RIMS1: variants seen among roughly 807,000 people sequenced by gnomAD.
RIMS1 encodes the protein regulating synaptic membrane exocytosis protein 1.
Under a neutral mutation model 214.1 loss-of-function variants are expected in RIMS1, and 83 were observed. The ratio of observed to expected loss-of-function variants is 0.39; its 90% confidence interval spans 0.32 to 0.47. The LOEUF is 0.47. Among genes scored for constraint, RIMS1 ranks in the 20% least tolerant of loss-of-function variants. The pLI is 0.99. For missense variants in RIMS1, 2,050 were observed against 2,161.8 expected (o/e 0.95, Z 1.03); for synonymous variants, 793 against 786.8 (o/e 1.01, Z -0.13).
intron 2 of RIMS1, among the ~76,000 whole-genome samples, chr6:72,027,329 T>A (rs1168777804): frequency 6.6e-6 from 1 of 152,102 alleles, no homozygotes; most frequent in East Asian, 1.9e-4. Context: ...GGGCAAACAA[T>A]TTTTGCCTCT....
chr6:72,135,559 A>G (rs1012560361), intron 4 of RIMS1, among the ~76,000 whole-genome samples: 7 of 152,148 alleles, frequency 4.6e-5, no homozygotes, highest in Admixed American at 2.6e-4. Flanking sequence ...GTGTCTGAGA[A>G]TGAATGTTTA....
At chr6:72,194,645 TG>T (rs1365901202) in intron 6 of RIMS1, among the ~76,000 whole-genome samples, 1 of 152,196 alleles carries the variant, frequency 6.6e-6, no homozygotes, top group East Asian at 1.9e-4. Context: ...TGTGTTTTGC[TG>T]TCTCACAAAA....
intron 2 of RIMS1, among the ~76,000 whole-genome samples, chr6:72,042,493 G>GAAC (rs1016781563): frequency 6.6e-6 from 1 of 151,718 alleles, no homozygotes; most frequent in Non-Finnish European, 1.5e-5. Flanking sequence ...ATCAATGAGT[G>GAAC]TTCTTGAACC....
At chr6:72,031,201 C>A (rs1265687138) in intron 2 of RIMS1, among the ~76,000 whole-genome samples, 1 of 152,118 alleles carries the variant, frequency 6.6e-6, no homozygotes, top group Admixed American at 6.6e-5. Flanking sequence ...TATAAGATGA[C>A]AGCTTGAAGC....
In RIMS1 at chr6:72,183,267, AG is replaced by A. The variant is rs2048606564; in HGVS notation, c.1678+119del. On this transcript the variant is annotated intron_variant, in intron 6 of 33. Transcript: ENST00000521978. ...TTGAGGCTGGGAATGCTCACAGATA[AG>A]ATAGCGTTACCGCCAGTGGAAGGTC... 6.4e-6 allele frequency: 6 copies of A among 939,578 alleles called. No individual in the cohort carries two copies. The South Asian group carries it at 9.6e-5, about 15-fold the overall frequency. The allele number at this position is 939,578 out of a possible 1,614,324, so 58.2% of individuals were successfully genotyped here. A position where few individuals can be genotyped will look rare whatever the true frequency, so the allele number is the denominator to read the frequency against.
intron 2 of RIMS1, among the ~76,000 whole-genome samples, chr6:71,991,555 A>G (rs1165094719): frequency 6.6e-6 from 1 of 152,226 alleles, no homozygotes; most frequent in Non-Finnish European, 1.5e-5. Context: ...ATTATGAAAG[A>G]TATCAGACCG....
chr6:72,095,464 T>C (rs1191081601), intron 2 of RIMS1, among the ~76,000 whole-genome samples: 5 of 152,202 alleles, frequency 3.3e-5, no homozygotes. Flanking sequence ...TTAAATGAAA[T>C]ATCACATATA....
At chr6:72,150,527 T>G (rs896964321) in intron 4 of RIMS1, among the ~76,000 whole-genome samples, 1 of 152,184 alleles carries the variant, frequency 6.6e-6, no homozygotes, top group African/African-American at 2.4e-5. Flanking sequence ...CTCGTATTTG[T>G]GAGGAAAAAT....
At chr6:71,965,068 A>G (rs1303647383) in intron 1 of RIMS1, among the ~76,000 whole-genome samples, 1 of 152,196 alleles carries the variant, frequency 6.6e-6, no homozygotes, top group Non-Finnish European at 1.5e-5. Context: ...CCCTACAATA[A>G]CACTTGGGAA....
rs2031899277 is a variant in RIMS1, at chr6:72,096,816, A to C, written c.246-133A>C. 6 of 730,226 alleles carry C rather than the reference A, an allele frequency of 8.2e-6. No homozygotes were observed. In the South Asian group the frequency reaches 8.7e-5, roughly 11 times the overall value. 45.2% of individuals were successfully genotyped at this position (730,226 alleles called of 1,614,324 possible). A position where few individuals can be genotyped will look rare whatever the true frequency, so the allele number is the denominator to read the frequency against. On this transcript the variant is annotated intron_variant, in intron 2 of 33. Coordinates refer to ENST00000521978, the MANE Select transcript of RIMS1 (RefSeq NM_014989.7). ...TTTGAAGGTAAGGTTAGTGGGGAAA[A>C]TAGTTTTGTATGTTTTGCTTTAGTT...
At chr6:72,362,888 T>TTAATAAA (rs2097870984) in intron 29 of RIMS1, among the ~76,000 whole-genome samples, 2 of 152,178 alleles carry the variant, frequency 1.3e-5, no homozygotes, top group Non-Finnish European at 2.9e-5. Context: ...ATTTGTTCAT[T>TTAATAAA]CAAAATATAT....
chr6:72,329,421 AAAATT>A (rs2096585780), intron 28 of RIMS1, among the ~76,000 whole-genome samples: 1 of 151,832 alleles, frequency 6.6e-6, no homozygotes, highest in East Asian at 1.9e-4. Context: ...ATGGAATACT[AAAATT>A]AGATTACTAA....
rs117457633 is a variant in RIMS1, at chr6:72,352,335, A to G, written c.4366+18500A>G. 2.3e-3 allele frequency among the ~76,000 whole-genome samples: 346 copies of G among 152,316 alleles called. 9 individuals carry two copies. In the East Asian group the frequency reaches 0.045, roughly 20 times the overall value. On this transcript the variant is annotated intron_variant, in intron 29 of 33. Coordinates refer to ENST00000521978, the MANE Select transcript of RIMS1 (RefSeq NM_014989.7). ...TGGCACAATTCTAGCACTCTAAAAC[A>G]GGTACCATTATTATCATCATTTTAT... is the stretch of plus-strand genomic sequence containing the variant.
At position 72,271,190 on chromosome 6, in the gene RIMS1, C is replaced by T. The variant is rs542003084; in HGVS notation, c.3399-3159C>T. ...CTGAGGCAGGAGAATCGCTTGAACCCGGGGAGCAGAGGTTGCAGTGAGCCA... is the reference window on the plus strand; with the variant it reads ...CTGAGGCAGGAGAATCGCTTGAACCTGGGGAGCAGAGGTTGCAGTGAGCCA... On this transcript the variant is annotated intron_variant, in intron 22 of 33. Transcript: ENST00000521978. Among the ~76,000 whole-genome samples the T allele has an allele frequency of 1.1e-3, 160 of 149,712 alleles. 2 individuals are homozygous for T. Among genetic ancestry groups the T allele is most frequent in the African/African-American group, 3.8e-3 (155 of 40,700 alleles).
chr6:72,005,718 A>G (rs554704817), intron 2 of RIMS1, among the ~76,000 whole-genome samples: 2 of 152,334 alleles, frequency 1.3e-5, no homozygotes, highest in South Asian at 4.1e-4. Flanking sequence ...TATTCAACTA[A>G]AAAACATGCT....
chr6:71,928,122 A>C (rs1193504782), intron 1 of RIMS1, among the ~76,000 whole-genome samples: 1 of 152,176 alleles, frequency 6.6e-6, no homozygotes. Flanking sequence ...CACATTCTGC[A>C]GAAAAGTATG....
At chr6:72,103,813 T>A in intron 4 of RIMS1, among the ~76,000 whole-genome samples, 1 of 152,176 alleles carries the variant, frequency 6.6e-6, no homozygotes, top group East Asian at 1.9e-4. Flanking sequence ...GTTATTGTCT[T>A]TTTGATTAGG....
rs567852239 is a variant in RIMS1, at chr6:72,132,574, C to T, written c.471+32588C>T. On this transcript the variant is annotated intron_variant, in intron 4 of 33. Coordinates refer to ENST00000521978, the MANE Select transcript of RIMS1 (RefSeq NM_014989.7). ...GTTGTTAAGGTAACCTTATTACTAT[C>T]TCCATGTGACACATGAGAAAATTGA... 8.1e-4 allele frequency among the ~76,000 whole-genome samples: 123 copies of T among 152,304 alleles called. 1 individual carries two copies. Among genetic ancestry groups the T allele is most frequent in the South Asian group, 5.2e-3 (25 of 4,832 alleles).
intron 2 of RIMS1, among the ~76,000 whole-genome samples, chr6:71,972,277 A>G (rs750273319): frequency 4.6e-5 from 7 of 152,222 alleles, no homozygotes; most frequent in Admixed American, 2.6e-4. Context: ...GGCATTTACC[A>G]TAGCATTTTC....
Sources: gnomAD v4.1 joint callset for allele counts (sites outside exome capture counted in the v4.1 genomes callset) on GRCh38, gnomAD v4.1.1 for gene constraint, MANE v1.5 for transcripts, NCBI Gene and HGNC (gene_info 2026-07-23, HGNC 2026-07-21) for gene names.